KANK1: variants seen among roughly 807,000 people sequenced by gnomAD.
KANK1 encodes the protein KN motif and ankyrin repeat domain-containing protein 1.
Under a neutral mutation model 106.2 loss-of-function variants are expected in KANK1, and 109 were observed. The observed-to-expected ratio is 1.03, with a 90% CI of 0.88 to 1.20. The LOEUF is 1.20. KANK1 is among the 50% of genes most tolerant of loss of function. KANK1 has a pLI of 0.00. For missense variants in KANK1, 2,399 were observed against 1,710.7 expected (o/e 1.40, Z -7.10); for synonymous variants, 873 against 652.2 (o/e 1.34, Z -5.16).
At chr9:683,796 A>T (rs112873443) in intron 2 of KANK1, among the ~76,000 whole-genome samples, 106 of 152,318 alleles carry the variant, frequency 7.0e-4, no homozygotes, top group African/African-American at 2.4e-3. Flanking sequence ...GCTTCATCCT[A>T]GTATTAGTGT....
intron 3 of KANK1, among the ~76,000 whole-genome samples, chr9:499,006 T>C (rs549044730): frequency 6.6e-6 from 1 of 151,858 alleles, no homozygotes; most frequent in South Asian, 2.1e-4. Flanking sequence ...TGGAACCCTG[T>C]CTCTACTAAA....
At chr9:577,127 T>C (rs571305224) in intron 1 of KANK1, among the ~76,000 whole-genome samples, 10 of 152,312 alleles carry the variant, frequency 6.6e-5, no homozygotes, top group East Asian at 3.9e-4. Context: ...GCAAGATTTA[T>C]TGTGAAGAGC....
At chr9:636,026 C>G (rs1324018797) in intron 1 of KANK1, among the ~76,000 whole-genome samples, 1 of 152,044 alleles carries the variant, frequency 6.6e-6, no homozygotes, top group African/African-American at 2.4e-5. Context: ...TACATATAGC[C>G]TTTAGATTTT....
chr9:735,826 T>C (rs778956435), intron 7 of KANK1: 15 of 361,752 alleles, frequency 4.1e-5, no homozygotes, highest in South Asian at 2.8e-4. Flanking sequence ...AAACCCTTTC[T>C]CTACTAAAAA....
chr9:522,081 G>T (rs933923929), intron 1 of KANK1, among the ~76,000 whole-genome samples: 3 of 151,580 alleles, frequency 2.0e-5, no homozygotes, highest in African/African-American at 7.3e-5. Flanking sequence ...TTGATTTGTT[G>T]AATAATGTAA....
intron 1 of KANK1, among the ~76,000 whole-genome samples, chr9:566,746 T>C (rs1817912148): frequency 6.6e-6 from 1 of 152,208 alleles, no homozygotes; most frequent in Non-Finnish European, 1.5e-5. Context: ...AGGTGCTGGA[T>C]ATTAGACTTT....
At chr9:744,434 G>C (rs192349248) in intron 10 of KANK1, 57 bp from the exon 11 acceptor site, 2 of 1,565,188 alleles carry the variant, frequency 1.3e-6, no homozygotes, top group East Asian at 2.3e-5. Context: ...GTTACCTTTC[G>C]GTTGTCTGGA....
chr9:603,259 C>G (rs1168292531), intron 1 of KANK1, among the ~76,000 whole-genome samples: 1 of 151,826 alleles, frequency 6.6e-6, no homozygotes, highest in Non-Finnish European at 1.5e-5. Flanking sequence ...GAGTGTGGCA[C>G]AAATCTCAAC....
At chr9:633,939 C>G (rs1191883469) in intron 1 of KANK1, among the ~76,000 whole-genome samples, 1 of 152,220 alleles carries the variant, frequency 6.6e-6, no homozygotes, top group Non-Finnish European at 1.5e-5. Context: ...GCATGAGCCA[C>G]TGCACTGAGC....
In KANK1 at chr9:551,243, C is replaced by A. The variant is rs575855333; in HGVS notation, c.-84+46489C>A. On this transcript the variant is annotated intron_variant, in intron 1 of 11. Coordinates refer to ENST00000382297, the MANE Select transcript of KANK1 (RefSeq NM_015158.5). ...GAAGAATAAGGGCAAGCAGAAGACA[C>A]ACACATTTGCCTGTTTCCCTCTTTT... Among the ~76,000 whole-genome samples, 9 of 151,578 alleles carry A rather than the reference C, an allele frequency of 5.9e-5. No homozygotes were observed. The South Asian group carries it at 1.9e-3, about 32-fold the overall frequency.
At chr9:681,492 G>C (rs1345863096) in intron 2 of KANK1, among the ~76,000 whole-genome samples, 1 of 152,124 alleles carries the variant, frequency 6.6e-6, no homozygotes, top group Non-Finnish European at 1.5e-5. Context: ...ACTTTAATTA[G>C]AGCTTAGATA....
intron 10 of KANK1, among the ~76,000 whole-genome samples, chr9:743,453 G>C (rs1836249346): frequency 6.6e-6 from 1 of 152,190 alleles, no homozygotes; most frequent in African/African-American, 2.4e-5. Flanking sequence ...CTGTGCTGTG[G>C]TTTTTGTTTG....
At chr9:532,297 A>C (rs2060095318) in intron 1 of KANK1, among the ~76,000 whole-genome samples, 2 of 134,868 alleles carry the variant, frequency 1.5e-5, no homozygotes, top group South Asian at 4.7e-4. Context: ...GCTGGAGTGC[A>C]GTGGCACCAT....
At chr9:578,640 G>C (rs569221647) in intron 1 of KANK1, among the ~76,000 whole-genome samples, 3 of 152,128 alleles carry the variant, frequency 2.0e-5, no homozygotes, top group Middle Eastern at 3.4e-3. Flanking sequence ...CACTGTTAAA[G>C]CATCAGTGCA....
chr9:630,024 G>C (rs1181262773), intron 1 of KANK1, among the ~76,000 whole-genome samples: 1 of 149,756 alleles, frequency 6.7e-6, no homozygotes, highest in Non-Finnish European at 1.5e-5. Flanking sequence ...GAGAAAGGCC[G>C]ATCACTTAAG....
At chr9:571,039 A>T (rs1819018184) in intron 1 of KANK1, among the ~76,000 whole-genome samples, 1 of 152,178 alleles carries the variant, frequency 6.6e-6, no homozygotes, top group Non-Finnish European at 1.5e-5. Flanking sequence ...AAGATCCTTG[A>T]TACATTTTGT....
At chr9:558,222 A>G (rs982669947) in intron 1 of KANK1, among the ~76,000 whole-genome samples, 2 of 152,218 alleles carry the variant, frequency 1.3e-5, no homozygotes, top group Non-Finnish European at 2.9e-5. Context: ...TGTTATATAA[A>G]TAGGATATCC....
intron 3 of KANK1, among the ~76,000 whole-genome samples, chr9:726,722 G>A (rs1345838593): frequency 6.6e-6 from 1 of 152,080 alleles, no homozygotes; most frequent in African/African-American, 2.4e-5. Context: ...CGCTTTGGGA[G>A]GTCAAGGCGG....
intron 1 of KANK1, among the ~76,000 whole-genome samples, chr9:518,229 C>T (rs2059380198): frequency 6.6e-6 from 1 of 151,860 alleles, no homozygotes; most frequent in Non-Finnish European, 1.5e-5. Flanking sequence ...TTGTAAACCT[C>T]TGACCTCACA....
Sources: gnomAD v4.1 joint callset for allele counts (sites outside exome capture counted in the v4.1 genomes callset) on GRCh38, gnomAD v4.1.1 for gene constraint, MANE v1.5 for transcripts, NCBI Gene and HGNC (gene_info 2026-07-23, HGNC 2026-07-21) for gene names.